Variants in GRM7 observed in about 807,000 individuals in gnomAD.
GRM7 encodes metabotropic glutamate receptor 7.
GRM7 carries 35 observed loss-of-function variants against 84.5 expected under a neutral mutation model. The observed-to-expected ratio is 0.41, with a 90% confidence interval of 0.32 to 0.55. GRM7 has a LOEUF of 0.55. Among genes scored for constraint, GRM7 ranks in the 20% least tolerant of loss-of-function variants. GRM7 has a pLI of 0.19. For synonymous variants in GRM7, 487 were observed against 455.1 expected (o/e 1.07, Z -0.89); for missense variants, 1,003 against 1,194.6 (o/e 0.84, Z 2.36).
chr3:7,697,842 G>T (rs1235073409), intron 9 of GRM7, among the ~76,000 whole-genome samples: 1 of 152,146 alleles, frequency 6.6e-6, no homozygotes, highest in African/African-American at 2.4e-5. Flanking sequence ...TCAGCTTTTG[G>T]CTTTCAGTGC....
intron 1 of GRM7, among the ~76,000 whole-genome samples, chr3:7,084,741 T>C (rs1698384588): frequency 6.6e-6 from 1 of 152,184 alleles, no homozygotes; most frequent in East Asian, 1.9e-4. Flanking sequence ...GTTTTAGTTG[T>C]TGTACGTAGA....
chr3:7,226,471 C>T (rs1365536797), intron 2 of GRM7, among the ~76,000 whole-genome samples: 1 of 152,116 alleles, frequency 6.6e-6, no homozygotes, highest in Non-Finnish European at 1.5e-5. Flanking sequence ...ATTTTTGCTT[C>T]TTAAAGCCAG....
chr3:7,649,516 CTT>C (rs1194629579), intron 8 of GRM7, among the ~76,000 whole-genome samples: 1 of 152,042 alleles, frequency 6.6e-6, no homozygotes, highest in African/African-American at 2.4e-5. Context: ...ATTTTTGTCT[CTT>C]GCGATTTTTT....
At chr3:7,572,775 T>C (rs1253574188) in intron 7 of GRM7, among the ~76,000 whole-genome samples, 2 of 128,072 alleles carry the variant, frequency 1.6e-5, no homozygotes, top group African/African-American at 5.9e-5. Flanking sequence ...TGAGCCGAGA[T>C]TGTGCCACTG....
intron 8 of GRM7, among the ~76,000 whole-genome samples, chr3:7,647,209 G>A (rs1698689362): frequency 6.6e-6 from 1 of 152,212 alleles, no homozygotes; most frequent in African/African-American, 2.4e-5. Flanking sequence ...ATGCTTCCGA[G>A]CCAAAGAATT....
At chr3:7,359,712 T>C (rs1693578579) in intron 4 of GRM7, among the ~76,000 whole-genome samples, 1 of 148,084 alleles carries the variant, frequency 6.8e-6, no homozygotes, top group Admixed American at 6.7e-5. Context: ...TGATCCAGTG[T>C]TTTAAAGTTT....
intron 1 of GRM7, among the ~76,000 whole-genome samples, chr3:6,938,997 C>T (rs1052824530): frequency 2.0e-5 from 3 of 152,192 alleles, no homozygotes; most frequent in Non-Finnish European, 4.4e-5. Flanking sequence ...TAACCCCTCT[C>T]GATCTCTTGC....
chr3:7,308,592 C>G (rs964957710), intron 4 of GRM7, among the ~76,000 whole-genome samples: 3 of 152,120 alleles, frequency 2.0e-5, no homozygotes, highest in South Asian at 4.1e-4. Flanking sequence ...GAAAACTGTA[C>G]TAAGGAGTTT....
At chr3:7,297,286 A>G (rs937910799) in intron 2 of GRM7, among the ~76,000 whole-genome samples, 3 of 152,124 alleles carry the variant, frequency 2.0e-5, no homozygotes, top group African/African-American at 7.2e-5. Flanking sequence ...TTTAATTTCC[A>G]AGTGTTTGGA....
At chr3:7,043,307 C>A (rs1359994385) in intron 1 of GRM7, among the ~76,000 whole-genome samples, 2 of 152,144 alleles carry the variant, frequency 1.3e-5, no homozygotes, top group Non-Finnish European at 2.9e-5. Flanking sequence ...GCATTCTGCC[C>A]TGTGAACTCA....
In GRM7 at chr3:7,532,479, T is replaced by G. The variant is rs148163304; in HGVS notation, c.1516-45943T>G. On this transcript the variant is annotated intron_variant, in intron 7 of 9. Transcript: ENST00000357716. ...ATCAGTGGTGATACCCCCTTTATTATTTTTTATTGTGTCTATTTGATTCTT... is the reference window on the plus strand; with the variant it reads ...ATCAGTGGTGATACCCCCTTTATTAGTTTTTATTGTGTCTATTTGATTCTT... 3.6e-3 allele frequency among the ~76,000 whole-genome samples: 552 copies of G among 152,226 alleles called. 5 individuals are homozygous for G. Among genetic ancestry groups the G allele is most frequent in the African/African-American group, 0.012 (502 of 41,550 alleles).
chr3:7,666,201 G>T (rs1242767637), intron 8 of GRM7, among the ~76,000 whole-genome samples: 1 of 152,186 alleles, frequency 6.6e-6, no homozygotes, highest in African/African-American at 2.4e-5. Context: ...CAGAGAAAAT[G>T]CAAGAAGGTT....
chr3:7,519,258 A>G (rs1700502803), intron 7 of GRM7, among the ~76,000 whole-genome samples: 1 of 152,020 alleles, frequency 6.6e-6, no homozygotes, highest in Admixed American at 6.6e-5. Context: ...GCTATTTGGG[A>G]GGCTGAGGCA....
intron 2 of GRM7, among the ~76,000 whole-genome samples, chr3:7,167,101 A>G (rs1378124566): frequency 2.6e-5 from 4 of 152,220 alleles, no homozygotes. Flanking sequence ...TCTATTGGTA[A>G]TGGAGCCTTA....
chr3:7,633,012 G>A lies in GRM7; in HGVS notation c.2452-47037G>A, dbSNP rs570432037. Among the ~76,000 whole-genome samples the A allele has an allele frequency of 1.1e-4, 17 of 152,348 alleles. No individual in the cohort carries two copies. In the East Asian group the frequency reaches 1.2e-3, roughly 10 times the overall value. ...AACAGAACCTAAAGGAAATGTGTCC[G>A]AAGCAGTCATTGATCCACAAATGTG... On this transcript the variant is annotated intron_variant, in intron 8 of 9. Transcript: ENST00000357716.
At chr3:7,278,996 C>A (rs1038131489) in intron 2 of GRM7, among the ~76,000 whole-genome samples, 12 of 152,108 alleles carry the variant, frequency 7.9e-5, no homozygotes, top group African/African-American at 2.4e-4. Flanking sequence ...TTCTGTAATT[C>A]CTTTTCAACC....
chr3:6,864,276 T>C (rs2124929434), intron 1 of GRM7, among the ~76,000 whole-genome samples: 1 of 152,318 alleles, frequency 6.6e-6, no homozygotes, highest in East Asian at 1.9e-4. Flanking sequence ...GCATGCAAGC[T>C]AGATAAAACA....
intron 2 of GRM7, among the ~76,000 whole-genome samples, chr3:7,230,146 TC>T (rs1697148001): frequency 6.6e-6 from 1 of 151,974 alleles, no homozygotes; most frequent in East Asian, 2.0e-4. Context: ...GCCTCTTCCA[TC>T]TTCCAGTTGA....
chr3:7,023,908 T>C (rs1695874689), intron 1 of GRM7, among the ~76,000 whole-genome samples: 1 of 152,212 alleles, frequency 6.6e-6, no homozygotes, highest in Admixed American at 6.5e-5. Context: ...GCATGGATTC[T>C]ATCGCTCTTC....
Sources: gnomAD v4.1 joint callset for allele counts (sites outside exome capture counted in the v4.1 genomes callset) on GRCh38, gnomAD v4.1.1 for gene constraint, MANE v1.5 for transcripts, NCBI Gene and HGNC (gene_info 2026-07-23, HGNC 2026-07-21) for gene names.